DCC: variants seen among roughly 807,000 people sequenced by gnomAD.
DCC encodes the protein DCC netrin 1 receptor.
In DCC, 58 loss-of-function variants were observed where a neutral mutation model predicts 172.5. The observed-to-expected ratio is 0.34, with a 90% CI of 0.27 to 0.42. The LOEUF is 0.42. DCC is among the 10% of genes least tolerant of loss of function. The pLI, the probability that DCC is intolerant of heterozygous loss-of-function variation, is 1.00. For synonymous variants in DCC, 709 were observed against 644.5 expected (o/e 1.10, Z -1.52); for missense variants, 1,740 against 1,791.0 (o/e 0.97, Z 0.51).
intron 2 of DCC, among the ~76,000 whole-genome samples, chr18:52,844,378 A>C (rs1207745428): frequency 6.6e-6 from 1 of 152,004 alleles, no homozygotes; most frequent in Admixed American, 6.6e-5. Context: ...CTGGGTAAGC[A>C]CTCTTTAAGA....
intron 8 of DCC, among the ~76,000 whole-genome samples, chr18:53,165,050 A>T (rs2054895491): frequency 1.3e-5 from 2 of 152,230 alleles, no homozygotes; most frequent in African/African-American, 2.4e-5. Flanking sequence ...CATATAAAAT[A>T]CAGTGGGAGT....
chr18:52,814,153 G>A (rs761437038), intron 2 of DCC, among the ~76,000 whole-genome samples: 25 of 152,170 alleles, frequency 1.6e-4, no homozygotes, highest in Non-Finnish European at 3.5e-4. Flanking sequence ...CTAAGATATC[G>A]TGGGTTTGTG....
intron 7 of DCC, among the ~76,000 whole-genome samples, chr18:53,111,019 A>C (rs1487005268): frequency 7.4e-6 from 1 of 134,362 alleles, no homozygotes; most frequent in Non-Finnish European, 1.6e-5. Context: ...ACAATGATAG[A>C]CTGGATTAAG....
chr18:52,994,334 G>C (rs2041445306), intron 5 of DCC, among the ~76,000 whole-genome samples: 1 of 152,028 alleles, frequency 6.6e-6, no homozygotes, highest in Non-Finnish European at 1.5e-5. Context: ...GTTGGGGGTT[G>C]GGGGAGGCAG....
chr18:52,802,004 CTTT>C (rs58379877), intron 2 of DCC, among the ~76,000 whole-genome samples: 1 of 144,170 alleles, frequency 6.9e-6, no homozygotes. Context: ...TTATTCTATT[CTTT>C]TTTTTTTTTT....
chr18:52,592,726 T>C (rs1210697997), intron 1 of DCC, among the ~76,000 whole-genome samples: 1 of 152,194 alleles, frequency 6.6e-6, no homozygotes, highest in Admixed American at 6.5e-5. Flanking sequence ...GTCCGCCTCC[T>C]GGATTCAAGC....
At chr18:52,498,978 A>ATAGCAGTGC (rs1228815576) in intron 1 of DCC, among the ~76,000 whole-genome samples, 1 of 152,168 alleles carries the variant, frequency 6.6e-6, no homozygotes, top group African/African-American at 2.4e-5. Flanking sequence ...AGCGCAGTCC[A>ATAGCAGTGC]TAGCAGTGCC....
chr18:53,314,470 A>C (rs1599015557), intron 13 of DCC, among the ~76,000 whole-genome samples: 1 of 152,322 alleles, frequency 6.6e-6, no homozygotes, highest in Non-Finnish European at 1.5e-5. Context: ...GTGCAACCTA[A>C]GGAAGAACTT....
intron 2 of DCC, among the ~76,000 whole-genome samples, chr18:52,902,356 T>G (rs996155730): frequency 3.9e-5 from 6 of 152,004 alleles, no homozygotes; most frequent in Non-Finnish European, 8.8e-5. Context: ...TGCATTCGAG[T>G]GAGGAAAACA....
chr18:53,216,870 T>C lies in DCC; in HGVS notation c.1911+1273T>C, dbSNP rs146826502. 1.9e-4 allele frequency among the ~76,000 whole-genome samples: 29 copies of C among 152,278 alleles called. 1 individual carries two copies. The East Asian group carries it at 5.6e-3, about 29-fold the overall frequency. On this transcript the variant is annotated intron_variant, in intron 12 of 28. Coordinates refer to ENST00000442544, the MANE Select transcript of DCC (RefSeq NM_005215.4). ...TAACATAACCCTACAAATGACATTTTTATCTGCAACAACACTGCTTTAGAG... is the reference window on the plus strand; with the variant it reads ...TAACATAACCCTACAAATGACATTTCTATCTGCAACAACACTGCTTTAGAG...
At chr18:53,119,850 A>C (rs1411696540) in intron 7 of DCC, among the ~76,000 whole-genome samples, 2 of 151,760 alleles carry the variant, frequency 1.3e-5, no homozygotes, top group Non-Finnish European at 2.9e-5. Flanking sequence ...TTTCTTACTG[A>C]CTTTCTCTGG....
chr18:53,153,897 T>A (rs2054684601), intron 7 of DCC, among the ~76,000 whole-genome samples: 1 of 152,152 alleles, frequency 6.6e-6, no homozygotes, highest in Non-Finnish European at 1.5e-5. Context: ...CATGAGAACA[T>A]TGGCTTCGTC....
At chr18:52,588,955 G>A (rs1344397353) in intron 1 of DCC, among the ~76,000 whole-genome samples, 2 of 151,610 alleles carry the variant, frequency 1.3e-5, no homozygotes, top group African/African-American at 4.8e-5. Flanking sequence ...TACAATATTT[G>A]CCTCATCTTT....
At chr18:52,481,296 C>A (rs1324240616) in intron 1 of DCC, among the ~76,000 whole-genome samples, 1 of 149,790 alleles carries the variant, frequency 6.7e-6, no homozygotes, top group East Asian at 1.9e-4. Flanking sequence ...AGGCTGTATT[C>A]CTTTTCCTTT....
chr18:53,479,840 C>CA (rs916564085), intron 25 of DCC, among the ~76,000 whole-genome samples: 3 of 152,156 alleles, frequency 2.0e-5, no homozygotes, highest in African/African-American at 7.2e-5. Flanking sequence ...ATTTCTTCAA[C>CA]AAAATGGACC....
intron 2 of DCC, chr18:52,754,305 GC>G (rs779299907): frequency 7.9e-5 from 12 of 152,144 alleles, no homozygotes; most frequent in Non-Finnish European, 1.8e-4. Flanking sequence ...CTCTTCTGTA[GC>G]TTTTCTCCAC....
intron 1 of DCC, among the ~76,000 whole-genome samples, chr18:52,462,013 A>G (rs1988645688): frequency 6.6e-6 from 1 of 152,082 alleles, no homozygotes; most frequent in South Asian, 2.1e-4. Flanking sequence ...AAACTTTGGT[A>G]CCATTTTTGA....
At chr18:53,253,478 A>C (rs916378844) in intron 12 of DCC, among the ~76,000 whole-genome samples, 1 of 152,084 alleles carries the variant, frequency 6.6e-6, no homozygotes, top group African/African-American at 2.4e-5. Context: ...GGTGATTCTG[A>C]ATGTCCTCTT....
chr18:52,624,994 G>T (rs1458337884), intron 1 of DCC, among the ~76,000 whole-genome samples: 1 of 152,104 alleles, frequency 6.6e-6, no homozygotes, highest in Non-Finnish European at 1.5e-5. Context: ...AACCTGGATG[G>T]TACAGCCTAC....
Sources: allele counts gnomAD v4.1 joint callset (sites outside exome capture counted in the v4.1 genomes callset), GRCh38; gene constraint gnomAD v4.1.1; transcripts MANE v1.5; gene names NCBI Gene and HGNC (gene_info 2026-07-23, HGNC 2026-07-21).